The following NCOA2 variants were observed in gnomAD, a reference collection of about 807,000 sequenced individuals.
NCOA2 encodes the protein class E basic helix-loop-helix protein 75.
Under a neutral mutation model 145.1 loss-of-function variants are expected in NCOA2, and 21 were observed. The observed-to-expected ratio is 0.14, with a 90% CI of 0.10 to 0.21. NCOA2 has a LOEUF of 0.21. Among genes scored for constraint, NCOA2 ranks in the 10% least tolerant of loss-of-function variants. The probability of loss-of-function intolerance (pLI) is 1.00; values close to 1 mark genes in which losing one functional copy is unlikely to be tolerated. For missense variants in NCOA2, 1,472 were observed against 1,837.6 expected, an observed-to-expected ratio of 0.80 and a Z score of 3.64; for synonymous variants, 619 against 637.5, an observed-to-expected ratio of 0.97 and a Z score of 0.44.
intron 22 of NCOA2, among the ~76,000 whole-genome samples, chr8:70,114,995 A>AC (rs1334007424): frequency 1.3e-5 from 2 of 152,182 alleles, no homozygotes; most frequent in Non-Finnish European, 2.9e-5. Context: ...CATTTAGCAT[A>AC]CTTTATAATA....
intron 1 of NCOA2, among the ~76,000 whole-genome samples, chr8:70,348,729 A>G (rs1808898848): frequency 1.3e-5 from 2 of 152,300 alleles, no homozygotes; most frequent in African/African-American, 4.8e-5. Flanking sequence ...GTGCCAATTA[A>G]TAGAAACCAG....
the NCOA2 span, among the ~76,000 whole-genome samples, chr8:70,439,257 AAC>A: frequency 6.6e-6 from 1 of 152,202 alleles, no homozygotes; most frequent in Non-Finnish European, 1.5e-5. Flanking sequence ...AACTAAGTTA[AAC>A]ACAGTCCCTG....
intron 4 of NCOA2, among the ~76,000 whole-genome samples, chr8:70,191,027 G>A (rs1253349837): frequency 6.6e-6 from 1 of 151,912 alleles, no homozygotes; most frequent in East Asian, 1.9e-4. Flanking sequence ...GTAGGTACAT[G>A]ACTTTGACAC....
At chr8:70,450,675 G>A in the NCOA2 span, among the ~76,000 whole-genome samples, 1 of 142,136 alleles carries the variant, frequency 7.0e-6, no homozygotes, top group East Asian at 2.2e-4. Flanking sequence ...CACTTCCTGG[G>A]TTCAAGTGAT....
At chr8:70,136,289 G>C (rs796871893) in intron 15 of NCOA2, among the ~76,000 whole-genome samples, 3 of 152,082 alleles carry the variant, frequency 2.0e-5, no homozygotes, top group African/African-American at 7.2e-5. Context: ...TTGAACCCAG[G>C]AGGTGGAGGT....
intron 2 of NCOA2, among the ~76,000 whole-genome samples, chr8:70,278,957 C>T (rs1039911326): frequency 6.6e-6 from 1 of 150,732 alleles, no homozygotes; most frequent in African/African-American, 2.5e-5. Context: ...CAGAGCAAGA[C>T]TCTTGTCTCC....
chr8:70,214,594 T>C (rs908886432), intron 3 of NCOA2, among the ~76,000 whole-genome samples: 4 of 152,150 alleles, frequency 2.6e-5, no homozygotes, highest in African/African-American at 9.7e-5. Flanking sequence ...CCAAACAGCC[T>C]TTTTAGGTAA....
intron 1 of NCOA2, among the ~76,000 whole-genome samples, chr8:70,326,453 GCACA>G (rs142047406): frequency 9.0e-5 from 13 of 143,864 alleles, no homozygotes; most frequent in Admixed American, 2.2e-4. Flanking sequence ...ACACACACGT[GCACA>G]CACACACACA....
chr8:70,274,662 A>G (rs975249142), intron 2 of NCOA2, among the ~76,000 whole-genome samples: 5 of 152,236 alleles, frequency 3.3e-5, no homozygotes, highest in Non-Finnish European at 7.3e-5. Context: ...ATGATCAAGC[A>G]AATATTTATT....
At chr8:70,454,994 G>A in the NCOA2 span, among the ~76,000 whole-genome samples, 5 of 152,144 alleles carry the variant, frequency 3.3e-5, no homozygotes, top group Admixed American at 2.0e-4. Flanking sequence ...ACATACATTC[G>A]AGCAATAATG....
intron 4 of NCOA2, among the ~76,000 whole-genome samples, chr8:70,197,393 C>A (rs1013743336): frequency 1.2e-4 from 18 of 152,202 alleles, no homozygotes; most frequent in African/African-American, 3.6e-4. Context: ...CCAAGCTGGA[C>A]CCCCACTGGC....
intron 1 of NCOA2, among the ~76,000 whole-genome samples, chr8:70,403,346 CCGCGGG>C (rs1814555405): frequency 6.6e-6 from 1 of 151,348 alleles, no homozygotes; most frequent in Non-Finnish European, 1.5e-5. Flanking sequence ...CTCGCCCGCG[CCGCGGG>C]CTGCAGCCTC....
intron 2 of NCOA2, among the ~76,000 whole-genome samples, chr8:70,225,142 C>A (rs1339662073): frequency 6.6e-6 from 1 of 152,142 alleles, no homozygotes; most frequent in Non-Finnish European, 1.5e-5. Context: ...TAGCAATAAA[C>A]CCAATAGACC....
intron 1 of NCOA2, among the ~76,000 whole-genome samples, chr8:70,370,960 T>G (rs747101871): frequency 6.6e-6 from 1 of 152,150 alleles, no homozygotes; most frequent in Non-Finnish European, 1.5e-5. Flanking sequence ...TGGGCAATAA[T>G]GATACGTGTG....
intron 1 of NCOA2, among the ~76,000 whole-genome samples, chr8:70,342,736 C>T (rs1808244463): frequency 6.7e-6 from 1 of 149,732 alleles, no homozygotes; most frequent in East Asian, 2.0e-4. Flanking sequence ...AAGGACTTCT[C>T]CCTAGCCCAA....
intron 1 of NCOA2, among the ~76,000 whole-genome samples, chr8:70,349,351 G>C (rs542675883): frequency 1.3e-3 from 193 of 151,972 alleles, no homozygotes; most frequent in African/African-American, 4.5e-3. Context: ...TAGAGAAACA[G>C]ACATTATCAA....
intron 1 of NCOA2, among the ~76,000 whole-genome samples, chr8:70,338,764 C>T (rs999361955): frequency 1.3e-5 from 2 of 152,120 alleles, no homozygotes; most frequent in Non-Finnish European, 2.9e-5. Context: ...TCAAGGTATG[C>T]TTCATCCCCA....
the NCOA2 span, among the ~76,000 whole-genome samples, chr8:70,436,669 T>G: frequency 1.3e-5 from 2 of 152,236 alleles, no homozygotes; most frequent in African/African-American, 4.8e-5. Context: ...GAAAAAGCAG[T>G]GGCTCAAATT....
intron 4 of NCOA2, 130 bp downstream of exon 4, chr8:70,213,773 A>C: frequency 1.3e-6 from 1 of 776,072 alleles, no homozygotes; most frequent in Non-Finnish European, 2.0e-6. Context: ...TTCATCTTAC[A>C]CTGTGACATC....
Sources: gnomAD v4.1 joint callset for allele counts (sites outside exome capture counted in the v4.1 genomes callset) on GRCh38, gnomAD v4.1.1 for gene constraint, MANE v1.5 for transcripts, NCBI Gene and HGNC (gene_info 2026-07-23, HGNC 2026-07-21) for gene names.